The following ANKRD36 variants were observed in gnomAD, a reference collection of about 807,000 sequenced individuals.
ANKRD36 encodes the protein ankyrin repeat domain-containing protein 36A.
Under a neutral mutation model 278.1 loss-of-function variants are expected in ANKRD36, and 179 were observed. The ratio of observed to expected loss-of-function variants is 0.64; its 90% confidence interval spans 0.57 to 0.73. The LOEUF is 0.73. Among genes scored for constraint, ANKRD36 ranks in the 30% least tolerant of loss-of-function variants. The pLI is 0.00. For missense variants in ANKRD36, 1,159 were observed against 1,956.7 expected, an observed-to-expected ratio of 0.59 and a Z score of 7.69; for synonymous variants, 320 against 641.1, an observed-to-expected ratio of 0.50 and a Z score of 7.57.
At chr2:97,205,839 T>C (rs965833408) in intron 50 of ANKRD36, 101 bp from the exon 51 acceptor site, 2 of 1,405,906 alleles carry the variant, frequency 1.4e-6, no homozygotes, top group Admixed American at 2.0e-5. Flanking sequence ...CCTATGCTAA[T>C]ACAGGCAGGA....
In ANKRD36 at chr2:97,156,267, T is replaced by C. The variant is rs2047404876; in HGVS notation, c.1260+1526T>C. Among the ~76,000 whole-genome samples the C allele has an allele frequency of 1.4e-5, 2 of 145,580 alleles. 1 individual carries two copies. The highest frequency in any genetic ancestry group is 3.1e-5 in the Non-Finnish European group (2 of 64,426). ...TAAGTTTTAGGGTACATGTGCACAT[T>C]GTGCAGGTTAGTTACATATGTATAC... On this transcript the variant is annotated intron_variant, in intron 15 of 75. Coordinates refer to ENST00000420699, the MANE Select transcript of ANKRD36 (RefSeq NM_001354587.1).
intron 10 of ANKRD36, 48 bp downstream of exon 10, chr2:97,144,760 A>G (rs1244730177): frequency 6.5e-7 from 1 of 1,534,202 alleles, no homozygotes; most frequent in Non-Finnish European, 8.7e-7. Context: ...AAGATAGAGA[A>G]CTTCCCTTCC....
At chr2:97,183,399 T>G in intron 26 of ANKRD36, 60 bp from the exon 27 acceptor site, 1 of 1,491,684 alleles carries the variant, frequency 6.7e-7, no homozygotes, top group Non-Finnish European at 9.1e-7. Context: ...ACTGCATGAA[T>G]GTATGGATGA....
Position 97,162,157 on chromosome 2 carries a change from G to C in ANKRD36, c.1429+19G>C. On this transcript the variant is annotated intron_variant, in intron 18 of 75. Transcript: ENST00000420699. ...GCAAATGGTATTGGTATTATAAAAA[G>C]TGCTCCATGAGAGCAATGAAATAAT... 1 of 1,410,614 alleles carries C rather than the reference G, an allele frequency of 7.1e-7. No homozygotes were observed. The highest frequency in any genetic ancestry group is 2.7e-5 in the East Asian group (1 of 36,412). 87.4% of individuals were successfully genotyped at this position (1,410,614 alleles called of 1,614,324 possible).
At chr2:97,141,003 A>G (rs1390089548) in intron 6 of ANKRD36, among the ~76,000 whole-genome samples, 1 of 151,752 alleles carries the variant, frequency 6.6e-6, no homozygotes, top group Non-Finnish European at 1.5e-5. Context: ...CACATCAATG[A>G]TATGTTCTTC....
intron 34 of ANKRD36, 88 bp from the exon 35 acceptor site, chr2:97,190,890 T>A: frequency 1.9e-6 from 3 of 1,549,242 alleles, no homozygotes; most frequent in Non-Finnish European, 2.6e-6. Flanking sequence ...GGCAGAAGGA[T>A]ACAGCTGGAT....
chr2:97,222,345 G>T (rs1174982076), intron 66 of ANKRD36, among the ~76,000 whole-genome samples: 1 of 152,062 alleles, frequency 6.6e-6, no homozygotes. Context: ...TCGTTACCTA[G>T]CAATGGGATT....
At chr2:97,126,998 T>G (rs2038812552) in intron 5 of ANKRD36, 69 bp from the exon 6 acceptor site, 7 of 558,478 alleles carry the variant, frequency 1.3e-5, no homozygotes, top group Non-Finnish European at 2.2e-5. Flanking sequence ...ACTCTAATAA[T>G]TTAGTATATT....
chr2:97,210,388 T>G (rs2064116152), intron 56 of ANKRD36, among the ~76,000 whole-genome samples: 4 of 151,784 alleles, frequency 2.6e-5, no homozygotes, highest in African/African-American at 9.7e-5. Context: ...GGGTTTCTGC[T>G]GAGTAAACCT....
intron 6 of ANKRD36, among the ~76,000 whole-genome samples, chr2:97,131,395 C>T (rs1354875744): frequency 6.6e-6 from 1 of 151,990 alleles, no homozygotes; most frequent in Non-Finnish European, 1.5e-5. Context: ...ACAAGGGTCT[C>T]TCTCTCTTAC....
chr2:97,204,512 A>G (rs1356880561), intron 50 of ANKRD36, among the ~76,000 whole-genome samples: 2 of 151,412 alleles, frequency 1.3e-5, no homozygotes, highest in Admixed American at 6.6e-5. Context: ...TTCAAGGCAT[A>G]AGGGGCTCCG....
At chr2:97,126,496 T>G (rs964900562) in intron 5 of ANKRD36, among the ~76,000 whole-genome samples, 1 of 151,930 alleles carries the variant, frequency 6.6e-6, no homozygotes, top group African/African-American at 2.4e-5. Flanking sequence ...AAGCCACAAA[T>G]AATAGAACAA....
intron 34 of ANKRD36, among the ~76,000 whole-genome samples, chr2:97,190,074 A>G (rs2058169789): frequency 1.1e-5 from 1 of 88,308 alleles, no homozygotes; most frequent in Admixed American, 1.0e-4. Context: ...CTTGGATAAA[A>G]TAGCTATTTC....
intron 67 of ANKRD36, among the ~76,000 whole-genome samples, chr2:97,232,674 A>G (rs1347486256): frequency 7.0e-6 from 1 of 142,276 alleles, no homozygotes; most frequent in Admixed American, 7.2e-5. Flanking sequence ...TCTCATTCAT[A>G]CTCTGGGTCC....
In ANKRD36 at chr2:97,210,806, T is replaced by C. The variant is rs371359793; in HGVS notation, c.3368-740T>C. Among the ~76,000 whole-genome samples the C allele has an allele frequency of 9.9e-5, 15 of 151,996 alleles. No homozygotes were observed. In the East Asian group the frequency reaches 2.2e-3, roughly 22 times the overall value. On this transcript the variant is annotated intron_variant, in intron 56 of 75. Transcript: ENST00000420699. Reference sequence around the variant, plus strand: ...AAAACTGATTAATATCTAATGCTTGTAGCAGTTTTACTTTGAAGAAGTATG... The same window carrying C: ...AAAACTGATTAATATCTAATGCTTGCAGCAGTTTTACTTTGAAGAAGTATG...
At chr2:97,154,589 G>T in intron 14 of ANKRD36, 86 bp from the exon 15 acceptor site, 1 of 1,083,530 alleles carries the variant, frequency 9.2e-7, no homozygotes, top group Admixed American at 2.6e-5. Context: ...TTTTTTTGGA[G>T]GGGACCTGCA....
At chr2:97,240,987 T>TG in intron 68 of ANKRD36, among the ~76,000 whole-genome samples, 1 of 30,774 alleles carries the variant, frequency 3.2e-5, no homozygotes, top group Non-Finnish European at 5.4e-5. Flanking sequence ...ACTATGTTTT[T>TG]TTTTTTTTTT....
chr2:97,223,098 CTT>C (rs58708702), intron 66 of ANKRD36, among the ~76,000 whole-genome samples: 4,554 of 122,688 alleles, frequency 0.037, 4 homozygotes, highest in African/African-American at 0.12. Flanking sequence ...TTATTATACA[CTT>C]TTTTTTTTTT....
intron 6 of ANKRD36, among the ~76,000 whole-genome samples, chr2:97,140,693 A>G (rs2923983): frequency 1.3e-5 from 2 of 152,164 alleles, no homozygotes; most frequent in African/African-American, 4.8e-5. Flanking sequence ...TAACATTTTA[A>G]TAAAGCAAAA....
Sources: gnomAD v4.1 joint callset for allele counts (sites outside exome capture counted in the v4.1 genomes callset) on GRCh38, gnomAD v4.1.1 for gene constraint, MANE v1.5 for transcripts, NCBI Gene and HGNC (gene_info 2026-07-23, HGNC 2026-07-21) for gene names.